The following SGPP2 variants were observed in gnomAD, a reference collection of about 807,000 sequenced individuals.
SGPP2 encodes sphingosine 1-phosphate phosphohydrolase 2.
A neutral mutation model predicts 33.9 loss-of-function variants in SGPP2; 30 were observed. The ratio of observed to expected loss-of-function variants is 0.89; its 90% confidence interval spans 0.66 to 1.20. The LOEUF is 1.20. Among genes scored for constraint, SGPP2 ranks in the 50% most tolerant of loss-of-function variants. The probability of loss-of-function intolerance (pLI) is 0.00; values close to 1 mark genes in which losing one functional copy is unlikely to be tolerated. For synonymous variants in SGPP2, 233 were observed against 225.0 expected, an observed-to-expected ratio of 1.04 and a Z score of -0.32; for missense variants, 458 against 532.1, an observed-to-expected ratio of 0.86 and a Z score of 1.37.
intron 4 of SGPP2, among the ~76,000 whole-genome samples, chr2:222,535,546 G>T (rs1350444657): frequency 6.6e-6 from 1 of 152,216 alleles, no homozygotes; most frequent in Admixed American, 6.5e-5. Flanking sequence ...CCAGAGTGAT[G>T]CAGAGGTCAG....
Position 222,550,912 on chromosome 2 carries a change from T to C in SGPP2, c.649-7435T>C, listed in dbSNP as rs1055086087. The stretch of plus-strand genomic sequence containing the variant: ...TGAGCAGCCTTATTATCGTCTCTGG[T>C]TATTTTCTTAGAATCAATTCCTAGG... On this transcript the variant is annotated intron_variant, in intron 4 of 4. Coordinates refer to ENST00000321276, the MANE Select transcript of SGPP2 (RefSeq NM_152386.4). This position sits in a 1 kb window ranked among gnomAD's most constrained non-coding sequence, Gnocchi z 4.5. Among the ~76,000 whole-genome samples the C allele has an allele frequency of 1.3e-5, 2 of 152,216 alleles. No homozygotes were observed. The highest frequency in any genetic ancestry group is 4.8e-5 in the African/African-American group (2 of 41,456).
chr2:222,503,649 G>T (rs372294514), intron 2 of SGPP2, among the ~76,000 whole-genome samples: 5 of 152,106 alleles, frequency 3.3e-5, no homozygotes, highest in Admixed American at 2.6e-4. Flanking sequence ...TTTCTTAACT[G>T]CACCCGCATT....
chr2:222,440,881 G>C (rs890925564), intron 1 of SGPP2, among the ~76,000 whole-genome samples: 1 of 51,254 alleles, frequency 2.0e-5, no homozygotes, highest in Non-Finnish European at 4.4e-5. Flanking sequence ...TTTAACCATG[G>C]AACATCTTAA....
intron 1 of SGPP2, among the ~76,000 whole-genome samples, chr2:222,447,043 T>C (rs1697408854): frequency 6.6e-6 from 1 of 152,224 alleles, no homozygotes; most frequent in South Asian, 2.1e-4. Flanking sequence ...TTTGTTCAGC[T>C]GCTCCACAAT....
intron 4 of SGPP2, among the ~76,000 whole-genome samples, chr2:222,549,975 C>T (rs1314613239): frequency 6.6e-6 from 1 of 151,688 alleles, no homozygotes. Flanking sequence ...CTCCCGGGTT[C>T]AAGCAATTCC....
At chr2:222,488,648 G>A (rs537058240) in intron 2 of SGPP2, among the ~76,000 whole-genome samples, 2 of 152,278 alleles carry the variant, frequency 1.3e-5, no homozygotes, top group East Asian at 1.9e-4. Flanking sequence ...CAAGCCCAAA[G>A]GGTATGGAAT....
chr2:222,430,414 T>C (rs535576734), intron 1 of SGPP2, among the ~76,000 whole-genome samples: 1 of 152,350 alleles, frequency 6.6e-6, no homozygotes, highest in East Asian at 1.9e-4. Context: ...TATTTTACCT[T>C]AATTTTCTTA....
chr2:222,450,882 C>T (rs1697476006), intron 1 of SGPP2, among the ~76,000 whole-genome samples: 3 of 152,160 alleles, frequency 2.0e-5, no homozygotes. Flanking sequence ...TCTTTAGTTC[C>T]AAGAGCTCTC....
chr2:222,462,954 T>C (rs946859582), intron 1 of SGPP2, among the ~76,000 whole-genome samples: 24 of 152,210 alleles, frequency 1.6e-4, no homozygotes, highest in African/African-American at 5.8e-4. Context: ...TTCTTTCATG[T>C]GTATGCACCC....
chr2:222,457,763 T>C (rs1697594095), intron 1 of SGPP2, among the ~76,000 whole-genome samples: 1 of 152,174 alleles, frequency 6.6e-6, no homozygotes, highest in Admixed American at 6.5e-5. Flanking sequence ...CAACCAGGCC[T>C]CCAGTCTAGG....
At chr2:222,424,135 T>C (rs1056736633), upstream of SGPP2, among the ~76,000 whole-genome samples, 4 of 152,066 alleles carry the variant, frequency 2.6e-5, no homozygotes, top group African/African-American at 7.2e-5. Flanking sequence ...CGACTTCACC[T>C]TGGGCTCAGA....
At chr2:222,425,863 T>C (rs1451799337) in intron 1 of SGPP2, among the ~76,000 whole-genome samples, 1 of 152,164 alleles carries the variant, frequency 6.6e-6, no homozygotes, top group Non-Finnish European at 1.5e-5. Flanking sequence ...GAATGGAATA[T>C]TATAGGCATT....
chr2:222,509,781 A>C (rs923969102), intron 2 of SGPP2, among the ~76,000 whole-genome samples: 5 of 152,228 alleles, frequency 3.3e-5, no homozygotes, highest in African/African-American at 1.2e-4. Context: ...ACATATGATA[A>C]TAGTCAACCT....
chr2:222,504,918 G>T (rs1456493856), intron 2 of SGPP2: 1 of 152,174 alleles, frequency 6.6e-6, no homozygotes, highest in South Asian at 2.1e-4. Context: ...GAGCTGCATG[G>T]GTTTTAAATA....
At position 222,502,024 on chromosome 2, in the gene SGPP2, C is replaced by G. The variant is rs1040727480; in HGVS notation, c.379-19743C>G. Among the ~76,000 whole-genome samples, 5 of 152,194 alleles carry G rather than the reference C, an allele frequency of 3.3e-5. No individual in the cohort carries two copies. The East Asian group carries it at 9.6e-4, about 29-fold the overall frequency. On this transcript the variant is annotated intron_variant, in intron 2 of 4. Transcript: ENST00000321276. ...ACCAGAGTTTTAAGAAAAGTCTGGA[C>G]AGATATTCCTTATGCCACCCTCACA...
At chr2:222,529,169 A>G (rs1386486880) in intron 4 of SGPP2, among the ~76,000 whole-genome samples, 1 of 152,152 alleles carries the variant, frequency 6.6e-6, no homozygotes, top group Admixed American at 6.6e-5. Flanking sequence ...CATTTTAACA[A>G]TGTTCACAGC....
At chr2:222,488,861 T>C (rs1193771338) in intron 2 of SGPP2, among the ~76,000 whole-genome samples, 1 of 152,182 alleles carries the variant, frequency 6.6e-6, no homozygotes, top group East Asian at 1.9e-4. Flanking sequence ...CCTTTTAAAA[T>C]TAAATTTCTT....
At chr2:222,490,613 T>TC (rs575382193) in intron 2 of SGPP2, among the ~76,000 whole-genome samples, 3 of 83,172 alleles carry the variant, frequency 3.6e-5, no homozygotes, top group Non-Finnish European at 9.3e-5. Context: ...AATTTTTTTT[T>TC]TTTTTTTTTT....
chr2:222,446,602 A>G (rs1219728734), intron 1 of SGPP2, among the ~76,000 whole-genome samples: 2 of 152,232 alleles, frequency 1.3e-5, no homozygotes, highest in African/African-American at 4.8e-5. Context: ...ATAAACATTC[A>G]TGTACAAAAC....
Sources: gnomAD v4.1 joint callset for allele counts (sites outside exome capture counted in the v4.1 genomes callset) on GRCh38, gnomAD v4.1.1 for gene constraint, Gnocchi (gnomAD v3.1) non-coding constraint, MANE v1.5 for transcripts, NCBI Gene and HGNC (gene_info 2026-07-23, HGNC 2026-07-21) for gene names.